Variants in SHANK2 observed in about 807,000 individuals in gnomAD.
SHANK2 encodes SH3 and multiple ankyrin repeat domains 2, also known as SH3 and multiple ankyrin repeat domains protein 2.
Under a neutral mutation model 133.7 loss-of-function variants are expected in SHANK2, and 43 were observed. That is an observed-to-expected ratio of 0.32 (90% CI 0.25 to 0.41). The LOEUF (loss-of-function observed/expected upper bound fraction) is 0.41. Among genes scored for constraint, SHANK2 ranks in the 10% least tolerant of loss-of-function variants. SHANK2 has a pLI of 1.00. For missense variants in SHANK2, 1,994 were observed against 2,235.8 expected (o/e 0.89, Z 2.18); for synonymous variants, 1,017 against 952.8 (o/e 1.07, Z -1.24).
At chr11:70,516,996 C>T (rs2135908911) in intron 17 of SHANK2, among the ~76,000 whole-genome samples, 1 of 152,286 alleles carries the variant, frequency 6.6e-6, no homozygotes, top group Non-Finnish European at 1.5e-5. Flanking sequence ...TCGCTTGAAC[C>T]TGGGAGGTGG....
At chr11:70,916,386 C>G (rs1278408756) in intron 10 of SHANK2, among the ~76,000 whole-genome samples, 2 of 152,066 alleles carry the variant, frequency 1.3e-5, no homozygotes, top group Admixed American at 6.6e-5. Flanking sequence ...GGCTGGCCAT[C>G]ACATGGCCAC....
chr11:70,955,537 T>TGTGTGTACTTTAC (rs1242705519), intron 10 of SHANK2, among the ~76,000 whole-genome samples: 1 of 152,148 alleles, frequency 6.6e-6, no homozygotes, highest in African/African-American at 2.4e-5. Flanking sequence ...TATTTGTGTA[T>TGTGTGTACTTTAC]GTGTGTACTT....
At chr11:71,079,358 T>A (rs1174476755) in intron 8 of SHANK2, among the ~76,000 whole-genome samples, 3 of 152,220 alleles carry the variant, frequency 2.0e-5, no homozygotes, top group Admixed American at 2.0e-4. Context: ...TGGGACACCG[T>A]CACCACTCAA....
intron 5 of SHANK2, among the ~76,000 whole-genome samples, 158 bp downstream of exon 5, chr11:71,113,135 G>C (rs7938379): frequency 1.3e-5 from 2 of 152,158 alleles, no homozygotes; most frequent in South Asian, 2.1e-4. Context: ...AGTGTGCACC[G>C]TAAGGGCCAG....
chr11:70,541,876 A>G (rs1180879696), intron 17 of SHANK2, among the ~76,000 whole-genome samples: 1 of 152,214 alleles, frequency 6.6e-6, no homozygotes, highest in Non-Finnish European at 1.5e-5. Context: ...GAGGGCAGCC[A>G]TCTTGGAAGG....
At chr11:70,580,089 C>T (rs1554985070) in intron 17 of SHANK2, among the ~76,000 whole-genome samples, 4 of 152,174 alleles carry the variant, frequency 2.6e-5, no homozygotes, top group South Asian at 2.1e-4. Flanking sequence ...CCACCAGGTT[C>T]GTGGTGACTT....
At chr11:70,554,134 A>T (rs1305596228) in intron 17 of SHANK2, among the ~76,000 whole-genome samples, 1 of 152,250 alleles carries the variant, frequency 6.6e-6, no homozygotes, top group Admixed American at 6.5e-5. Flanking sequence ...GGAACTCCCG[A>T]GTCCAGCCCC....
intron 17 of SHANK2, among the ~76,000 whole-genome samples, chr11:70,613,336 T>A (rs1466148613): frequency 6.6e-6 from 1 of 152,056 alleles, no homozygotes; most frequent in Non-Finnish European, 1.5e-5. Flanking sequence ...CCCAAGTAGG[T>A]GGGACTACAG....
At chr11:70,721,205 G>A (rs868995652) in intron 14 of SHANK2, among the ~76,000 whole-genome samples, 6 of 152,232 alleles carry the variant, frequency 3.9e-5, no homozygotes, top group Non-Finnish European at 8.8e-5. Flanking sequence ...AAAGAGGCAA[G>A]CAGCTCTTGA....
intron 13 of SHANK2, among the ~76,000 whole-genome samples, chr11:70,798,910 G>T (rs1555049843): frequency 6.6e-6 from 1 of 152,114 alleles, no homozygotes; most frequent in African/African-American, 2.4e-5. Flanking sequence ...AGTGGTGCTT[G>T]GCTGTCCTTA....
chr11:70,602,190 A>G (rs2060507565), intron 17 of SHANK2, among the ~76,000 whole-genome samples: 1 of 152,056 alleles, frequency 6.6e-6, no homozygotes, highest in Admixed American at 6.6e-5. Context: ...CATGAGTAAA[A>G]GCTCCCTGAG....
intron 15 of SHANK2, among the ~76,000 whole-genome samples, chr11:70,679,367 C>A (rs1172894829): frequency 6.6e-6 from 1 of 152,262 alleles, no homozygotes; most frequent in African/African-American, 2.4e-5. Context: ...GTTCCCACCA[C>A]CAGCAGCCAG....
rs1555154015 is a variant in SHANK2 at position 70,486,962 on chromosome 11, C to G, written c.3331G>C (p.Asp1111His). The G allele has an allele frequency of 6.2e-7, 1 of 1,612,210 alleles. No individual in the cohort carries two copies. The highest frequency in any genetic ancestry group is 2.2e-5 in the East Asian group (1 of 44,874). Reference sequence around the variant, plus strand: ...GGGGCGGGTGGCCCCAGGCCCACATCCTCATCCCCCAGGTCTGTGGAGAGG... The same window carrying G: ...GGGGCGGGTGGCCCCAGGCCCACATGCTCATCCCCCAGGTCTGTGGAGAGG... ...AFLSTDLGDE[D>H]VGLGPPAPRT... Residue 1111 changes from aspartate (D) to histidine (H), a missense_variant, in exon 25 of 26, where the codon GAT becomes CAT. Asp to His is a moderately conservative substitution (Grantham distance 81, BLOSUM62 -1). Coordinates refer to ENST00000601538, the MANE Select transcript of SHANK2 (RefSeq NM_012309.5). The surrounding 1 kb of genome is among the most constrained non-coding windows in gnomAD (Gnocchi z 8.0).
intron 14 of SHANK2, among the ~76,000 whole-genome samples, chr11:70,703,287 T>C (rs1367801276): frequency 6.6e-6 from 1 of 152,210 alleles, no homozygotes; most frequent in Non-Finnish European, 1.5e-5. Context: ...AGCCAGGAAG[T>C]GGCAGAGCCC....
At chr11:70,713,273 G>A (rs1256184368) in intron 14 of SHANK2, among the ~76,000 whole-genome samples, 1 of 152,210 alleles carries the variant, frequency 6.6e-6, no homozygotes, top group African/African-American at 2.4e-5. Flanking sequence ...TCAGAGAGCC[G>A]GCTCCGTCTG....
At chr11:70,515,338 C>T (rs2059250517) in intron 17 of SHANK2, among the ~76,000 whole-genome samples, 1 of 152,194 alleles carries the variant, frequency 6.6e-6, no homozygotes, top group African/African-American at 2.4e-5. Flanking sequence ...TGCGCCTGGC[C>T]ATTCAATGAC....
At chr11:70,478,444 C>T (rs1425446580) in intron 25 of SHANK2, among the ~76,000 whole-genome samples, 1 of 152,234 alleles carries the variant, frequency 6.6e-6, no homozygotes, top group Admixed American at 6.5e-5. Context: ...CTCTCCAGCA[C>T]ACCGCACGCC....
chr11:70,496,412 T>A (rs908683392), intron 21 of SHANK2, among the ~76,000 whole-genome samples: 1 of 152,172 alleles, frequency 6.6e-6, no homozygotes, highest in African/African-American at 2.4e-5. Context: ...CCTCGACTTC[T>A]CACATTCCCA....
intron 10 of SHANK2, among the ~76,000 whole-genome samples, chr11:70,916,225 G>A (rs1590829535): frequency 6.6e-6 from 1 of 152,306 alleles, no homozygotes; most frequent in South Asian, 2.1e-4. Flanking sequence ...AGAGGGTAGA[G>A]TTCAGATAAG....
Sources: allele counts gnomAD v4.1 joint callset (sites outside exome capture counted in the v4.1 genomes callset), GRCh38; gene constraint gnomAD v4.1.1; non-coding constraint Gnocchi (gnomAD v3.1); transcripts MANE v1.5; gene names NCBI Gene and HGNC (gene_info 2026-07-23, HGNC 2026-07-21).